ZSCAN25: variants seen among roughly 807,000 people sequenced by gnomAD.
ZSCAN25 encodes zinc finger and SCAN domain-containing protein 25.
A neutral mutation model predicts 38.7 loss-of-function variants in ZSCAN25; 27 were observed. The observed-to-expected ratio is 0.70, with a 90% CI of 0.51 to 0.96. The LOEUF is 0.96. ZSCAN25 is among the 40% of genes least tolerant of loss of function. ZSCAN25 has a pLI of 0.00. For synonymous variants in ZSCAN25, 273 were observed against 277.7 expected (o/e 0.98, Z 0.17); for missense variants, 637 against 705.9 (o/e 0.90, Z 1.11).
chr7:99,715,155 TA>T, the ZSCAN25 span, among the ~76,000 whole-genome samples: 2 of 152,204 alleles, frequency 1.3e-5, no homozygotes, highest in African/African-American at 4.8e-5. Flanking sequence ...AATAAACTTT[TA>T]AGCAACCAAT....
chr7:99,673,416 T>A, the ZSCAN25 span, among the ~76,000 whole-genome samples: 6 of 152,178 alleles, frequency 3.9e-5, no homozygotes, highest in Admixed American at 6.5e-5. Context: ...AAAATCACAG[T>A]CCATCAGCCC....
chr7:99,714,560 G>C, the ZSCAN25 span: 8 of 1,612,472 alleles, frequency 5.0e-6, no homozygotes, highest in Admixed American at 1.7e-5. Flanking sequence ...TTTACCTTTT[G>C]TGTCTCTTTG....
chr7:99,709,080 T>C, the ZSCAN25 span: 24 of 1,613,898 alleles, frequency 1.5e-5, no homozygotes, highest in South Asian at 1.9e-4. Context: ...CTTTGGGTCA[T>C]GATGAAGAAC....
chr7:99,671,398 ACAGCTACTAGAGTCAC>A, the ZSCAN25 span: 1 of 163,688 alleles, frequency 6.1e-6, no homozygotes, highest in African/African-American at 2.4e-5. Flanking sequence ...GAGTTACTGT[ACAGCTACTAGAGTCAC>A]CACAGTGTGG....
chr7:99,646,363 T>G, the ZSCAN25 span, among the ~76,000 whole-genome samples: 2 of 152,210 alleles, frequency 1.3e-5, no homozygotes, highest in South Asian at 4.1e-4. Flanking sequence ...GTATTTAATT[T>G]TATTTGTGGC....
At chr7:99,737,888 A>G in the ZSCAN25 span, among the ~76,000 whole-genome samples, 2 of 152,256 alleles carry the variant, frequency 1.3e-5, no homozygotes, top group Admixed American at 6.5e-5. Flanking sequence ...TTCCACAGAA[A>G]GTAACATCTT....
At chr7:99,657,636 C>T in the ZSCAN25 span, among the ~76,000 whole-genome samples, 1 of 152,116 alleles carries the variant, frequency 6.6e-6, no homozygotes, top group Non-Finnish European at 1.5e-5. Context: ...CCTGGATATC[C>T]TTCTTAACTT....
At chr7:99,671,464 A>G in the ZSCAN25 span, 5 of 226,410 alleles carry the variant, frequency 2.2e-5, no homozygotes, top group African/African-American at 1.2e-4. Flanking sequence ...AGATTCACAA[A>G]ATATACTCAG....
chr7:99,619,385 A>G (rs1806734003), intron 3 of ZSCAN25, among the ~76,000 whole-genome samples, 176 bp from the exon 4 acceptor site: 1 of 152,334 alleles, frequency 6.6e-6, no homozygotes, highest in East Asian at 1.9e-4. Flanking sequence ...CTCTGTACCT[A>G]ATAGTTGCTT....
rs779649611 is a variant in ZSCAN25, at chr7:99,619,712, C to G, written c.106C>G (p.Pro36Ala). Residue 36 changes from proline (P) to alanine (A), a missense_variant, in exon 4 of 8, where the codon CCT (proline) becomes GCT (alanine). Pro to Ala is a conservative substitution (Grantham distance 27). Coordinates refer to ENST00000394152, the MANE Select transcript of ZSCAN25 (RefSeq NM_145115.3). ...GCCATGGGGCAGAGGAAGGGAGGACCCTAGTCCAGAGACTTTTCGGCTGAG... is the reference window on the plus strand; with the variant it reads ...GCCATGGGGCAGAGGAAGGGAGGACGCTAGTCCAGAGACTTTTCGGCTGAG... ...ELPWGRGRED[P>A]SPETFRLRFR... The G allele has an allele frequency of 1.2e-6, 2 of 1,614,216 alleles. No individual in the cohort carries two copies. Among genetic ancestry groups the G allele is most frequent in the South Asian group, 2.2e-5 (2 of 91,078 alleles).
the ZSCAN25 span, among the ~76,000 whole-genome samples, chr7:99,677,800 A>G: frequency 4.6e-5 from 7 of 152,186 alleles, no homozygotes; most frequent in Non-Finnish European, 8.8e-5. Flanking sequence ...TGTCAAATCA[A>G]TGACACTAAT....
the ZSCAN25 span, among the ~76,000 whole-genome samples, chr7:99,704,323 C>T: frequency 6.6e-6 from 1 of 152,126 alleles, no homozygotes; most frequent in Non-Finnish European, 1.5e-5. Context: ...TGCAGTCTCA[C>T]TCTGTCACTC....
At chr7:99,675,769 A>G in the ZSCAN25 span, among the ~76,000 whole-genome samples, 1 of 142,838 alleles carries the variant, frequency 7.0e-6, no homozygotes, top group African/African-American at 2.7e-5. Flanking sequence ...TCACAGCTCA[A>G]TACAGCCTTG....
the ZSCAN25 span, among the ~76,000 whole-genome samples, chr7:99,701,871 T>C: frequency 0.013 from 2,027 of 152,324 alleles, 22 homozygotes; most frequent in Non-Finnish European, 0.019. Flanking sequence ...TGTTTGAAAA[T>C]ATTTTCTCCC....
chr7:99,631,259 TA>T lies in ZSCAN25; in HGVS notation c.*1240del. On this transcript the variant is annotated 3_prime_UTR_variant, in exon 8 of 8. Coordinates refer to ENST00000394152, the MANE Select transcript of ZSCAN25 (RefSeq NM_145115.3). ...TCCAGACCCTTGTCATCCAAGGCAC[TA>T]GGGGTCCTGGACACCCACTGGGGAT... is the stretch of plus-strand genomic sequence containing the variant. 1 of 985,442 alleles carries T rather than the reference TA, an allele frequency of 1.0e-6. No homozygotes were observed. The highest frequency in any genetic ancestry group is 1.2e-6 in the Non-Finnish European group (1 of 829,934). The allele number at this position is 985,442 out of a possible 1,614,324, so 61.0% of individuals were successfully genotyped here.
At chr7:99,634,982 T>C (rs1808214413), downstream of ZSCAN25, among the ~76,000 whole-genome samples, 2 of 152,190 alleles carry the variant, frequency 1.3e-5, no homozygotes, top group South Asian at 4.1e-4. Flanking sequence ...TCAAGTCCCC[T>C]CCCTCTGTAC....
the ZSCAN25 span, among the ~76,000 whole-genome samples, chr7:99,734,667 G>C: frequency 6.7e-6 from 1 of 149,674 alleles, no homozygotes; most frequent in Admixed American, 6.6e-5. Context: ...TGTTACCCAG[G>C]CTGGAGTGCA....
At chr7:99,620,107 T>C in intron 4 of ZSCAN25, 114 bp downstream of exon 4, 1 of 1,400,652 alleles carries the variant, frequency 7.1e-7, no homozygotes. Flanking sequence ...CGCCCTCCTC[T>C]GCCCTCAGAC....
chr7:99,721,172 G>A, the ZSCAN25 span, among the ~76,000 whole-genome samples: 2 of 152,136 alleles, frequency 1.3e-5, no homozygotes, highest in Non-Finnish European at 2.9e-5. Flanking sequence ...AATGGTTTAA[G>A]AATATTCAGC....
Sources: allele counts gnomAD v4.1 joint callset (sites outside exome capture counted in the v4.1 genomes callset), GRCh38; gene constraint gnomAD v4.1.1; transcripts MANE v1.5; gene names NCBI Gene and HGNC (gene_info 2026-07-23, HGNC 2026-07-21).